Variants in PSME4 observed in about 807,000 individuals in gnomAD.
PSME4 encodes the protein proteasome activator complex subunit 4.
A neutral mutation model predicts 253.9 loss-of-function variants in PSME4; 89 were observed. The ratio of observed to expected loss-of-function variants is 0.35; its 90% CI spans 0.30 to 0.42. PSME4 has a LOEUF of 0.42. Ranked by LOEUF, PSME4 falls within the 10% of genes least tolerant of loss-of-function variation. PSME4 has a pLI of 1.00. For missense variants in PSME4, 2,014 were observed against 2,195.2 expected (o/e 0.92, Z 1.65); for synonymous variants, 851 against 759.2 (o/e 1.12, Z -1.99).
intron 33 of PSME4, 78 bp from the exon 34 acceptor site, chr2:53,895,154 C>T (rs1181574606): frequency 2.3e-6 from 3 of 1,279,682 alleles, no homozygotes; most frequent in African/African-American, 1.5e-5. Flanking sequence ...CATTAGAAGG[C>T]ACTTTTAATG....
In PSME4 at chr2:53,877,247, CAAAAAA is replaced by C. The variant is rs1204678801; in HGVS notation, c.4816-1498_4816-1493del. 3.2e-3 allele frequency among the ~76,000 whole-genome samples: 160 copies of C among 50,400 alleles called. 1 individual carries two copies. The highest frequency in any genetic ancestry group is 9.1e-3 in the African/African-American group (146 of 16,118). 33.1% of individuals were successfully genotyped at this position (50,400 alleles called of 152,430 possible). A position where few individuals can be genotyped will look rare whatever the true frequency, so the allele number is the denominator to read the frequency against. On this transcript the variant is annotated intron_variant, in intron 41 of 46. Transcript: ENST00000404125. ...ATAACAGAGCAAGATCCTGCCTCTA[CAAAAAA>C]AAAAAAAAAAAAAAAAATTAGCTGG...
chr2:53,949,088 TA>T, intron 2 of PSME4, 54 bp downstream of exon 2: 1 of 1,491,528 alleles, frequency 6.7e-7, no homozygotes. Flanking sequence ...CCTCATTCCC[TA>T]AAACCCTGAA....
chr2:53,962,967 G>C lies in PSME4; in HGVS notation c.242+7576C>G, dbSNP rs186826296. Among the ~76,000 whole-genome samples the C allele has an allele frequency of 4.4e-3, 666 of 149,700 alleles. 9 individuals are homozygous for C. The highest frequency in any genetic ancestry group is 0.016 in the African/African-American group (639 of 40,502). On this transcript the variant is annotated intron_variant, in intron 1 of 46. Transcript: ENST00000404125. ...GGAGGCTGCAGTGAGCCGAGATCGCGCCACTGCACTCCAGCCTGGGTAACA... is the reference window on the plus strand; with the variant it reads ...GGAGGCTGCAGTGAGCCGAGATCGCCCCACTGCACTCCAGCCTGGGTAACA...
At chr2:53,936,064 T>G in intron 7 of PSME4, 23 bp downstream of exon 7, 1 of 1,607,074 alleles carries the variant, frequency 6.2e-7, no homozygotes, top group South Asian at 1.1e-5. Context: ...CCTGATAATT[T>G]TTTTCCCCAA....
At chr2:53,943,491 C>A (rs1488483890) in intron 3 of PSME4, among the ~76,000 whole-genome samples, 2 of 152,162 alleles carry the variant, frequency 1.3e-5, no homozygotes, top group Non-Finnish European at 2.9e-5. Flanking sequence ...AGTAAGTAGT[C>A]ATTTTTCATT....
intron 1 of PSME4, among the ~76,000 whole-genome samples, chr2:53,960,155 T>C (rs1175425420): frequency 6.6e-6 from 1 of 151,864 alleles, no homozygotes; most frequent in Non-Finnish European, 1.5e-5. Flanking sequence ...ATCTCAGCAC[T>C]TTGGGAGGCT....
rs756510154 is a variant in PSME4 at position 53,970,507 on chromosome 2, C to T, written c.242+36G>A. 2.4e-3 allele frequency: 3,713 copies of T among 1,547,556 alleles called. 11 individuals are homozygous for T. The highest frequency in any genetic ancestry group is 2.4e-3 in the Non-Finnish European group (2,752 of 1,146,816). On this transcript the variant is annotated intron_variant, in intron 1 of 46. Coordinates refer to ENST00000404125, the MANE Select transcript of PSME4 (RefSeq NM_014614.3). ...CCCCGACACCTCTCACTGAGCCTTT[C>T]CCCCCGGCCCGGCCCGCAGGCCCGG...
In PSME4 at chr2:53,934,712, G is replaced by A. The variant is rs906441223; in HGVS notation, c.850C>T (p.Leu284=). Residue 284 remains leucine, a synonymous_variant, in exon 8 of 47, where the codon CTG becomes TTG. Transcript: ENST00000404125. ...PYVPKIFTRI[L]RSLNLPVGSS... ...CCCACTGGGAGGTTCAAGCTTCTCA[G>A]AATTCTTGTAAATATCTTTTAAAAG... is the stretch of plus-strand genomic sequence containing the variant. 2 of 1,590,188 alleles carry A rather than the reference G, an allele frequency of 1.3e-6. No homozygotes were observed. The highest frequency in any genetic ancestry group is 1.7e-6 in the Non-Finnish European group (2 of 1,160,748).
intron 41 of PSME4, among the ~76,000 whole-genome samples, chr2:53,876,419 G>C (rs994616284): frequency 6.6e-6 from 1 of 152,128 alleles, no homozygotes; most frequent in Admixed American, 6.6e-5. Context: ...TTGGCTATTA[G>C]ATGTAAAGGT....
At chr2:53,876,651 TAAG>T (rs1026739188) in intron 41 of PSME4, among the ~76,000 whole-genome samples, 4 of 151,334 alleles carry the variant, frequency 2.6e-5, no homozygotes, top group African/African-American at 9.7e-5. Context: ...CAAAAGTAGA[TAAG>T]AATTTTTAAA....
At chr2:53,957,547 G>A (rs1204087482) in intron 1 of PSME4, among the ~76,000 whole-genome samples, 1 of 152,158 alleles carries the variant, frequency 6.6e-6, no homozygotes, top group African/African-American at 2.4e-5. Flanking sequence ...TGATCTGAGA[G>A]GAGGCAGAGC....
chr2:53,883,854 G>A lies in PSME4; in HGVS notation c.4815+1836C>T, dbSNP rs776906928. On this transcript the variant is annotated intron_variant, in intron 41 of 46. Coordinates refer to ENST00000404125, the MANE Select transcript of PSME4 (RefSeq NM_014614.3). ...TTTAAGTTTGTACCACTATTCCACT[G>A]AACTCTGCTGCACTATTCCACTGAA... Among the ~76,000 whole-genome samples the A allele has an allele frequency of 7.3e-5, 11 of 151,474 alleles. 1 individual carries two copies. The highest frequency in any genetic ancestry group is 1.3e-4 in the Admixed American group (2 of 15,218).
intron 1 of PSME4, among the ~76,000 whole-genome samples, chr2:53,965,670 G>GCT: frequency 7.2e-6 from 1 of 139,330 alleles, no homozygotes; most frequent in East Asian, 2.1e-4. Flanking sequence ...GTGTTTTTTT[G>GCT]TTTTTTTTTT....
chr2:53,893,692 T>C lies in PSME4; in HGVS notation c.4020A>G (p.Arg1340=). ...TAGTTACCTTAAAGAGGCAAAAACG[T>C]CGTGGATTAAACTTATCTTTTCCTT... The part of the protein sequence containing the change: ...DRKGKDKFNP[R]RFCLFKGIFR... The change falls in exon 35 of 47, where the codon CGA becomes CGG. Residue 1340 remains arginine, a synonymous_variant. Coordinates refer to ENST00000404125, the MANE Select transcript of PSME4 (RefSeq NM_014614.3). The C allele has an allele frequency of 6.2e-7, 1 of 1,610,280 alleles. No individual in the cohort carries two copies. Among genetic ancestry groups the C allele is most frequent in the Non-Finnish European group, 8.5e-7 (1 of 1,178,078 alleles).
intron 12 of PSME4, among the ~76,000 whole-genome samples, chr2:53,926,738 C>T (rs1668573751): frequency 6.6e-6 from 1 of 151,506 alleles, no homozygotes; most frequent in Non-Finnish European, 1.5e-5. Flanking sequence ...TTTGGGAGGT[C>T]AAGGCGGGCA....
intron 11 of PSME4, 143 bp from the exon 12 acceptor site, chr2:53,927,626 A>G: frequency 5.8e-6 from 4 of 687,578 alleles, no homozygotes; most frequent in South Asian, 3.5e-5. Flanking sequence ...CTCATTTAGA[A>G]TTGAACACTG....
chr2:53,898,271 G>GT, intron 30 of PSME4, 30 bp downstream of exon 30: 3 of 1,579,362 alleles, frequency 1.9e-6, no homozygotes, highest in Non-Finnish European at 2.6e-6. Flanking sequence ...GAAAAATGCT[G>GT]TGAGAATTAC....
rs969614511 is a variant in PSME4, at chr2:53,870,536, A to AT, written c.5101-999dup. 7.6e-3 allele frequency: 1,082 copies of AT among 143,032 alleles called. 4 individuals are homozygous for AT. The highest frequency in any genetic ancestry group is 0.012 in the Admixed American group (174 of 14,266). The allele number at this position is 143,032 out of a possible 1,614,324, so 8.9% of individuals were successfully genotyped here. A position where few individuals can be genotyped will look rare whatever the true frequency, so the allele number is the denominator to read the frequency against. ...CTACAGGCACCTGACACCATGGCTA[A>AT]TTTTTTTTTTTTTGTATTTTTAGTA... On this transcript the variant is annotated intron_variant, in intron 43 of 46. Coordinates refer to ENST00000404125, the MANE Select transcript of PSME4 (RefSeq NM_014614.3).
chr2:53,963,326 C>G (rs915429320), intron 1 of PSME4, among the ~76,000 whole-genome samples: 2 of 151,834 alleles, frequency 1.3e-5, no homozygotes, highest in African/African-American at 4.8e-5. Flanking sequence ...CCAAGACCAT[C>G]TCTTCAAAAA....
Sources: gnomAD v4.1 joint callset for allele counts (sites outside exome capture counted in the v4.1 genomes callset) on GRCh38, gnomAD v4.1.1 for gene constraint, MANE v1.5 for transcripts, NCBI Gene and HGNC (gene_info 2026-07-23, HGNC 2026-07-21) for gene names.